Variants in SLC9A9 observed in about 807,000 individuals in gnomAD.
SLC9A9 encodes the protein solute carrier family 9 member A9.
In SLC9A9, 62 loss-of-function variants were observed where a neutral mutation model predicts 77.8. The observed-to-expected ratio is 0.80, with a 90% CI of 0.65 to 0.98. The LOEUF is 0.98. Ranked by LOEUF, SLC9A9 falls within the 50% of genes least tolerant of loss-of-function variation. The pLI is 0.00. For missense variants in SLC9A9, 775 were observed against 774.9 expected, an observed-to-expected ratio of 1.00 and a Z score of 0.00; for synonymous variants, 320 against 283.5, an observed-to-expected ratio of 1.13 and a Z score of -1.29.
chr3:143,662,311 T>C (rs907116884), intron 5 of SLC9A9, among the ~76,000 whole-genome samples: 4 of 152,196 alleles, frequency 2.6e-5, no homozygotes, highest in African/African-American at 4.8e-5. Context: ...AAAATACGTA[T>C]ATGAAAGTAG....
intron 9 of SLC9A9, among the ~76,000 whole-genome samples, chr3:143,524,689 T>A (rs2036373958): frequency 6.6e-6 from 1 of 152,176 alleles, no homozygotes; most frequent in African/African-American, 2.4e-5. Flanking sequence ...AAGCTATGAT[T>A]TGAATATGGT....
At chr3:143,494,423 T>C (rs970204431) in intron 10 of SLC9A9, among the ~76,000 whole-genome samples, 8 of 152,232 alleles carry the variant, frequency 5.3e-5, no homozygotes, top group African/African-American at 1.9e-4. Context: ...GGGACGGAGT[T>C]ATTTGGCAAG....
At chr3:143,549,504 G>A (rs749169026) in intron 9 of SLC9A9, among the ~76,000 whole-genome samples, 10 of 152,120 alleles carry the variant, frequency 6.6e-5, no homozygotes, top group Non-Finnish European at 1.3e-4. Context: ...CTATGATCCA[G>A]GCACCCCCAA....
chr3:143,792,743 A>C (rs2008260832), intron 4 of SLC9A9, among the ~76,000 whole-genome samples: 2 of 152,068 alleles, frequency 1.3e-5, no homozygotes, highest in African/African-American at 2.4e-5. Flanking sequence ...TTCTCCCAAG[A>C]TTTCACCAAG....
In SLC9A9 at chr3:143,467,153, C is replaced by G. The variant is rs1291924865; in HGVS notation, c.1353G>C (p.Arg451=). 1 of 1,614,052 alleles carries G rather than the reference C, an allele frequency of 6.2e-7. No individual in the cohort carries two copies. The highest frequency in any genetic ancestry group is 8.5e-7 in the Non-Finnish European group (1 of 1,180,030). The change falls in exon 12 of 16, where the codon CGG becomes CGC. Residue 451 remains arginine, a synonymous_variant. Transcript: ENST00000316549. ...TTTGTTTGGGCTGAGATTCTGTGTT[C>G]CGAATAGCTAAGGCAAATGCGATCG... The part of the protein sequence containing the change: ...RGAIAFALAI[R]NTESQPKQMM...
chr3:143,566,297 C>T (rs1224023463), intron 8 of SLC9A9, among the ~76,000 whole-genome samples: 1 of 152,082 alleles, frequency 6.6e-6, no homozygotes, highest in Non-Finnish European at 1.5e-5. Flanking sequence ...TAATTAGGCC[C>T]TTGTGATTTG....
rs140102222 is a variant in SLC9A9 at position 143,372,124 on chromosome 3, G to A, written c.1525-8561C>T. On this transcript the variant is annotated intron_variant, in intron 13 of 15. Transcript: ENST00000316549. ...TATGGATTAGAAGAATCAGTATCAC[G>A]AAAGTGATGATACTGCCTAAAGCAG... is the stretch of plus-strand genomic sequence containing the variant. The A allele has an allele frequency of 1.9e-3, 432 of 231,262 alleles. 1 individual carries two copies. The highest frequency in any genetic ancestry group is 8.7e-3 in the African/African-American group (379 of 43,362). The allele number at this position is 231,262 out of a possible 1,614,324, so 14.3% of individuals were successfully genotyped here.
chr3:143,442,943 G>A (rs2034773273), intron 12 of SLC9A9, among the ~76,000 whole-genome samples: 1 of 152,156 alleles, frequency 6.6e-6, no homozygotes, highest in Non-Finnish European at 1.5e-5. Context: ...CTACTAAGTT[G>A]GAAGAATGTT....
intron 14 of SLC9A9, among the ~76,000 whole-genome samples, chr3:143,306,603 A>G (rs554159554): frequency 6.6e-6 from 1 of 152,306 alleles, no homozygotes; most frequent in East Asian, 1.9e-4. Context: ...TAGGTACATG[A>G]CACAAGCTCA....
chr3:143,291,401 G>T (rs1371120843), intron 14 of SLC9A9, among the ~76,000 whole-genome samples: 1 of 152,214 alleles, frequency 6.6e-6, no homozygotes, highest in Non-Finnish European at 1.5e-5. Context: ...GTGGTGGAAG[G>T]CCGGGAGGCA....
intron 13 of SLC9A9, among the ~76,000 whole-genome samples, chr3:143,374,441 A>G (rs796822879): frequency 0.013 from 1,996 of 149,762 alleles, 21 homozygotes; most frequent in South Asian, 0.066. Context: ...AAAAAAAAAA[A>G]AAAAAGAAAA....
intron 6 of SLC9A9, among the ~76,000 whole-genome samples, chr3:143,588,215 T>C (rs931635404): frequency 6.6e-6 from 1 of 152,188 alleles, no homozygotes; most frequent in African/African-American, 2.4e-5. Context: ...AGAGTTATAA[T>C]GTGGCCTCAA....
intron 2 of SLC9A9, chr3:143,811,812 G>A (rs1201527813): frequency 2.8e-5 from 12 of 430,640 alleles, no homozygotes; most frequent in Non-Finnish European, 5.5e-5. Context: ...CAGTGAGCCA[G>A]GATTGCATCA....
At chr3:143,481,619 G>C (rs1334104445) in intron 11 of SLC9A9, among the ~76,000 whole-genome samples, 1 of 152,216 alleles carries the variant, frequency 6.6e-6, no homozygotes, top group Non-Finnish European at 1.5e-5. Context: ...ATTATGTTCT[G>C]AAACATGCTT....
chr3:143,646,539 C>CTTTTTTTTTTTTTTTTTTT (rs2038710776), intron 6 of SLC9A9, among the ~76,000 whole-genome samples: 1 of 151,026 alleles, frequency 6.6e-6, no homozygotes, highest in African/African-American at 2.4e-5. Context: ...TATATTTTTT[C>CTTTTTTTTTTTTTTTTTTT]TTTATTATTT....
chr3:143,835,675 A>G (rs1461961038), intron 1 of SLC9A9, among the ~76,000 whole-genome samples: 1 of 152,222 alleles, frequency 6.6e-6, no homozygotes, highest in Admixed American at 6.5e-5. Context: ...AAGATACAAG[A>G]TTAAGAAAGC....
intron 12 of SLC9A9, among the ~76,000 whole-genome samples, chr3:143,451,004 TC>T (rs1204424440): frequency 1.3e-5 from 2 of 152,066 alleles, no homozygotes; most frequent in African/African-American, 4.8e-5. Context: ...CCCCTAATGT[TC>T]AAATTGCATC....
At chr3:143,417,201 A>G (rs1375027848) in intron 12 of SLC9A9, among the ~76,000 whole-genome samples, 1 of 152,016 alleles carries the variant, frequency 6.6e-6, no homozygotes, top group Non-Finnish European at 1.5e-5. Flanking sequence ...CGAGTCTTCT[A>G]CTAGTTTGGG....
chr3:143,788,031 C>T (rs1462628559), intron 4 of SLC9A9, among the ~76,000 whole-genome samples: 1 of 151,892 alleles, frequency 6.6e-6, no homozygotes, highest in Non-Finnish European at 1.5e-5. Context: ...GGTATTGGTG[C>T]AGGGATAGAT....
Sources: gnomAD v4.1 joint callset for allele counts (sites outside exome capture counted in the v4.1 genomes callset) on GRCh38, gnomAD v4.1.1 for gene constraint, MANE v1.5 for transcripts, NCBI Gene and HGNC (gene_info 2026-07-23, HGNC 2026-07-21) for gene names.